The following NPR3 variants were observed in gnomAD, a reference collection of about 807,000 sequenced individuals.
NPR3 encodes the protein atrial natriuretic peptide receptor 3.
NPR3 carries 34 observed loss-of-function variants against 54.5 expected under a neutral mutation model. That is an observed-to-expected ratio of 0.62 (90% CI 0.47 to 0.83). NPR3 has a LOEUF of 0.83. NPR3 is among the 40% of genes least tolerant of loss of function. The pLI, the probability that NPR3 is intolerant of heterozygous loss-of-function variation, is 0.00. For missense variants in NPR3, 674 were observed against 720.8 expected, an observed-to-expected ratio of 0.94 and a Z score of 0.74; for synonymous variants, 289 against 297.1, an observed-to-expected ratio of 0.97 and a Z score of 0.28.
rs189120142 is a variant in NPR3, at chr5:32,788,959, G to A, written c.*2614G>A. 1 of 152,520 alleles carries A rather than the reference G, an allele frequency of 6.6e-6. No individual in the cohort carries two copies. Among genetic ancestry groups the A allele is most frequent in the Admixed American group, 6.5e-5 (1 of 15,336 alleles). The allele number at this position is 152,520 out of a possible 1,614,324, so 9.4% of individuals were successfully genotyped here. A position where few individuals can be genotyped will look rare whatever the true frequency, so the allele number is the denominator to read the frequency against. Reference sequence around the variant, plus strand: ...TAAAAATGTAGGTGCCTGGCCCATGGTTACCCTGGATTCAGGTCTCTCATG... The same window carrying A: ...TAAAAATGTAGGTGCCTGGCCCATGATTACCCTGGATTCAGGTCTCTCATG... On this transcript the variant is annotated 3_prime_UTR_variant, in exon 8 of 8. Transcript: ENST00000265074.
At chr5:32,718,440 A>T (rs1579597985) in intron 1 of NPR3, among the ~76,000 whole-genome samples, 2 of 152,174 alleles carry the variant, frequency 1.3e-5, no homozygotes, top group East Asian at 3.9e-4. Flanking sequence ...CAATATGGCC[A>T]TTTTCATGAT....
chr5:32,697,233 A>G (rs529705493), intron 1 of NPR3, among the ~76,000 whole-genome samples: 1 of 152,276 alleles, frequency 6.6e-6, no homozygotes, highest in East Asian at 1.9e-4. Flanking sequence ...ATCAATTGAA[A>G]TGATCATATG....
At chr5:32,705,051 T>C (rs1343627769), upstream of NPR3, among the ~76,000 whole-genome samples, 1 of 152,238 alleles carries the variant, frequency 6.6e-6, no homozygotes, top group Non-Finnish European at 1.5e-5. Flanking sequence ...TTATGACATG[T>C]CTGAATAGGA....
rs748802731 is a variant in NPR3, at chr5:32,789,629, G to C, written c.*3284G>C. On this transcript the variant is annotated 3_prime_UTR_variant, in exon 8 of 8. Transcript: ENST00000265074. ...TGCCCTCACTTCTCCCTATTCACAG[G>C]CTTCTAAAATCATTAATTTACTCAA... 2.1e-5 allele frequency: 11 copies of C among 534,520 alleles called. No individual in the cohort carries two copies. Among genetic ancestry groups the C allele is most frequent in the Non-Finnish European group, 3.8e-5 (10 of 260,088 alleles). The allele number at this position is 534,520 out of a possible 1,614,324, so 33.1% of individuals were successfully genotyped here.
intron 2 of NPR3, among the ~76,000 whole-genome samples, chr5:32,726,507 C>T (rs887995763): frequency 6.6e-6 from 1 of 152,082 alleles, no homozygotes; most frequent in African/African-American, 2.4e-5. Context: ...TTACTATGGG[C>T]TGCAGGGTTG....
intron 4 of NPR3, among the ~76,000 whole-genome samples, chr5:32,777,058 T>C (rs545777295): frequency 6.6e-6 from 1 of 152,256 alleles, no homozygotes; most frequent in Non-Finnish European, 1.5e-5. Flanking sequence ...ATGGCTAATG[T>C]GGCTGACACC....
chr5:32,771,445 C>T lies in NPR3; in HGVS notation c.1060-3263C>T, dbSNP rs182228744. On this transcript the variant is annotated intron_variant, in intron 3 of 7. Transcript: ENST00000265074. ...CCTTCTACCATTAAACCTGCGAGGA[C>T]GAAAGTAACTCAAGTTCATTGTTCT... 3.9e-5 allele frequency among the ~76,000 whole-genome samples: 6 copies of T among 152,276 alleles called. No individual in the cohort carries two copies. The East Asian group carries it at 7.7e-4, about 20-fold the overall frequency.
At chr5:32,758,764 C>T (rs1453537192) in intron 3 of NPR3, among the ~76,000 whole-genome samples, 2 of 152,214 alleles carry the variant, frequency 1.3e-5, no homozygotes, top group Non-Finnish European at 2.9e-5. Context: ...TCCCTCTACA[C>T]AGTGCTTTAA....
chr5:32,766,716 T>C (rs3811966), intron 3 of NPR3, among the ~76,000 whole-genome samples: 46,880 of 152,050 alleles, frequency 0.31, 7,791 homozygotes, highest in African/African-American at 0.44. Flanking sequence ...TCTTATTTCA[T>C]AGTGAGTGCT....
chr5:32,748,295 A>C (rs1165315977), intron 3 of NPR3, among the ~76,000 whole-genome samples: 3 of 152,214 alleles, frequency 2.0e-5, no homozygotes, highest in Non-Finnish European at 4.4e-5. Flanking sequence ...TTGTATCAGT[A>C]AGGATCTAGT....
chr5:32,760,054 A>G (rs1218563404), intron 3 of NPR3, among the ~76,000 whole-genome samples: 2 of 151,114 alleles, frequency 1.3e-5, no homozygotes, highest in African/African-American at 4.9e-5. Flanking sequence ...TTCTTTTTCA[A>G]AAAGTTGCTG....
At chr5:32,734,161 C>T (rs1739605448) in intron 2 of NPR3, among the ~76,000 whole-genome samples, 1 of 152,106 alleles carries the variant, frequency 6.6e-6, no homozygotes, top group African/African-American at 2.4e-5. Flanking sequence ...CCAGCCTAGC[C>T]ATGGCAAGCA....
At chr5:32,717,329 T>C (rs2111863978) in intron 1 of NPR3, among the ~76,000 whole-genome samples, 1 of 152,294 alleles carries the variant, frequency 6.6e-6, no homozygotes, top group East Asian at 1.9e-4. Context: ...GCATGTGTCT[T>C]TATAGTAGCA....
At chr5:32,728,804 T>G (rs1294275575) in intron 2 of NPR3, among the ~76,000 whole-genome samples, 1 of 140,700 alleles carries the variant, frequency 7.1e-6, no homozygotes, top group Non-Finnish European at 1.5e-5. Flanking sequence ...TTTATTTGGA[T>G]TTTGGAATAT....
rs148346232 is a variant in NPR3, at chr5:32,748,582, G to A, written c.1059+9552G>A. Among the ~76,000 whole-genome samples the A allele has an allele frequency of 2.6e-3, 400 of 152,326 alleles. 1 individual carries two copies. Among genetic ancestry groups the A allele is most frequent in the African/African-American group, 9.3e-3 (385 of 41,564 alleles). The stretch of plus-strand genomic sequence containing the variant: ...AAAGGGAAAGTGGGAGAAATATCCT[G>A]GCTTTTTTCTTCTTTCTGGTGCTAG... On this transcript the variant is annotated intron_variant, in intron 3 of 7. Transcript: ENST00000265074.
In NPR3 at chr5:32,786,209, C is replaced by T. The variant is rs1283383401; in HGVS notation, c.1515-25C>T. Reference sequence around the variant, plus strand: ...GGTATTTTGTAGCCAAGTTTTATTACCACATTCACTTTCCCTTTACCCAGG... The same window carrying T: ...GGTATTTTGTAGCCAAGTTTTATTATCACATTCACTTTCCCTTTACCCAGG... On this transcript the variant is annotated intron_variant, in intron 7 of 7. Transcript: ENST00000265074. 9.6e-6 allele frequency: 9 copies of T among 940,440 alleles called. No homozygotes were observed. The East Asian group carries it at 1.0e-4, about 11-fold the overall frequency. The allele number at this position is 940,440 out of a possible 1,614,324, so 58.3% of individuals were successfully genotyped here.
intron 3 of NPR3, among the ~76,000 whole-genome samples, chr5:32,760,667 G>GT (rs568168299): frequency 1.8e-3 from 251 of 142,712 alleles, no homozygotes; most frequent in African/African-American, 4.3e-3. Context: ...ATGAGCAGTG[G>GT]TTTTTTTTTT....
chr5:32,784,516 A>T (rs1261923987), intron 6 of NPR3, among the ~76,000 whole-genome samples: 1 of 152,136 alleles, frequency 6.6e-6, no homozygotes, highest in African/African-American at 2.4e-5. Context: ...TTTTCCTCTG[A>T]TTCTTGAATT....
chr5:32,756,864 C>T (rs569459050), intron 3 of NPR3, among the ~76,000 whole-genome samples: 2 of 152,280 alleles, frequency 1.3e-5, no homozygotes, highest in East Asian at 3.9e-4. Context: ...ATAGGGAATC[C>T]TTTCCCCATT....
Sources: allele counts gnomAD v4.1 joint callset (sites outside exome capture counted in the v4.1 genomes callset), GRCh38; gene constraint gnomAD v4.1.1; transcripts MANE v1.5; gene names NCBI Gene and HGNC (gene_info 2026-07-23, HGNC 2026-07-21).